MEI1: variants seen among roughly 807,000 people sequenced by gnomAD.
MEI1 encodes meiotic double-stranded break formation protein 1, also known as meiosis inhibitor protein 1.
MEI1 carries 103 observed loss-of-function variants against 146.2 expected under a neutral mutation model. The ratio of observed to expected loss-of-function variants is 0.70; its 90% CI spans 0.60 to 0.83. MEI1 has a LOEUF of 0.83. Among genes scored for constraint, MEI1 ranks in the 40% least tolerant of loss-of-function variants. The probability of loss-of-function intolerance (pLI) is 0.00; values close to 1 mark genes in which losing one functional copy is unlikely to be tolerated. For missense variants in MEI1, 1,529 were observed against 1,533.0 expected, an observed-to-expected ratio of 1.00 and a Z score of 0.04; for synonymous variants, 652 against 628.2, an observed-to-expected ratio of 1.04 and a Z score of -0.57.
intron 7 of MEI1, 107 bp from the exon 8 acceptor site, chr22:41,729,558 A>C (rs1214645382): frequency 7.0e-6 from 5 of 715,846 alleles, no homozygotes; most frequent in Non-Finnish European, 9.9e-6. Context: ...CATGTGGGAC[A>C]GGAAGGATCG....
In MEI1 at chr22:41,798,116, A is replaced by AACACAC. The variant is rs60766866; in HGVS notation, c.3780-1088_3780-1083dup. On this transcript the variant is annotated intron_variant, in intron 30 of 30. Coordinates refer to ENST00000401548, the MANE Select transcript of MEI1 (RefSeq NM_152513.4). ...AGTTGGTTCAAGTGATCCTCAGCCC[A>AACACAC]ACACACACACACACACACACACACA... is the stretch of plus-strand genomic sequence containing the variant. Among the ~76,000 whole-genome samples the AACACAC allele has an allele frequency of 9.3e-3, 1,264 of 135,850 alleles. 14 individuals are homozygous for AACACAC. Among genetic ancestry groups the AACACAC allele is most frequent in the East Asian group, 0.024 (99 of 4,182 alleles). 89.1% of individuals were successfully genotyped at this position (135,850 alleles called of 152,430 possible).
At chr22:41,797,865 C>A (rs1437801118) in intron 30 of MEI1, among the ~76,000 whole-genome samples, 1 of 152,136 alleles carries the variant, frequency 6.6e-6, no homozygotes, top group Non-Finnish European at 1.5e-5. Flanking sequence ...GCACCAAAAA[C>A]AGCTCCTGGC....
chr22:41,745,317 C>G (rs1180893088), intron 13 of MEI1, among the ~76,000 whole-genome samples: 1 of 152,108 alleles, frequency 6.6e-6, no homozygotes, highest in African/African-American at 2.4e-5. Flanking sequence ...GTCTTATTCA[C>G]CTTCGTTCCC....
At chr22:41,776,329 T>G in intron 21 of MEI1, 62 bp downstream of exon 21, 3,844 of 1,395,982 alleles carry the variant, frequency 2.8e-3, no homozygotes, top group Non-Finnish European at 3.5e-3. Flanking sequence ...TGGGCATCTC[T>G]ACCCTTGTTA....
intron 19 of MEI1, among the ~76,000 whole-genome samples, chr22:41,768,669 T>C (rs1360552102): frequency 6.6e-6 from 1 of 152,090 alleles, no homozygotes. Context: ...CTTATATGGC[T>C]GGAGAAGGAG....
chr22:41,746,756 C>T (rs1380661486), intron 14 of MEI1, among the ~76,000 whole-genome samples: 1 of 152,096 alleles, frequency 6.6e-6, no homozygotes, highest in African/African-American at 2.4e-5. Flanking sequence ...CAGTAGGTGG[C>T]AGCAGGGAGG....
chr22:41,758,670 C>A, intron 18 of MEI1, 137 bp downstream of exon 18: 1 of 847,950 alleles, frequency 1.2e-6, no homozygotes, highest in Non-Finnish European at 1.8e-6. Flanking sequence ...TGGGTTGTGT[C>A]CCTGAGAGGC....
At chr22:41,730,481 T>A in intron 8 of MEI1, 40 bp from the exon 9 acceptor site, 1 of 1,377,522 alleles carries the variant, frequency 7.3e-7, no homozygotes, top group Non-Finnish European at 1.0e-6. Flanking sequence ...CGTGATCACA[T>A]GGCTGTCATT....
In MEI1 at chr22:41,751,073, C is replaced by T. The variant is rs147462772; in HGVS notation, c.1793-1518C>T. Among the ~76,000 whole-genome samples, 65 of 152,098 alleles carry T rather than the reference C, an allele frequency of 4.3e-4. 1 individual carries two copies. In the East Asian group the frequency reaches 0.013, roughly 29 times the overall value. On this transcript the variant is annotated intron_variant, in intron 15 of 30. Coordinates refer to ENST00000401548, the MANE Select transcript of MEI1 (RefSeq NM_152513.4). ...GGTAGCACAGGATCAGAGGCTCAAC[C>T]TGCAAGAGGGAGGAGGGAAGCAGGC...
At chr22:41,751,144 G>A (rs1459971815) in intron 15 of MEI1, among the ~76,000 whole-genome samples, 1 of 152,146 alleles carries the variant, frequency 6.6e-6, no homozygotes, top group Non-Finnish European at 1.5e-5. Flanking sequence ...GGAGGGTGGA[G>A]AAACTCTGGA....
At position 41,709,860 on chromosome 22, in the gene MEI1, A is replaced by G. The variant is rs77728523; in HGVS notation, c.350-4142A>G. Among the ~76,000 whole-genome samples, 482 of 152,206 alleles carry G rather than the reference A, an allele frequency of 3.2e-3. 12 individuals carry two copies. In the South Asian group the frequency reaches 0.055, roughly 17 times the overall value. Reference sequence around the variant, plus strand: ...GATGATAGTCACAACTTCTAATTCAATGAAACCATTGTGTGACCTCTCATG... The same window carrying G: ...GATGATAGTCACAACTTCTAATTCAGTGAAACCATTGTGTGACCTCTCATG... On this transcript the variant is annotated intron_variant, in intron 3 of 30. Coordinates refer to ENST00000401548, the MANE Select transcript of MEI1 (RefSeq NM_152513.4).
chr22:41,781,449 G>C (rs4822050), intron 23 of MEI1, 55 bp downstream of exon 23: 349,681 of 1,409,290 alleles, frequency 0.25, 54,863 homozygotes, highest in African/African-American at 0.66. Context: ...GTGGTCCTCT[G>C]TATCTCAACT....
At chr22:41,785,761 C>T (rs1225115762) in intron 26 of MEI1, among the ~76,000 whole-genome samples, 3 of 149,582 alleles carry the variant, frequency 2.0e-5, no homozygotes, top group South Asian at 2.1e-4. Flanking sequence ...ACGGGGTTTC[C>T]GCATATTGGT....
At chr22:41,764,342 T>G (rs1042999723) in intron 19 of MEI1, among the ~76,000 whole-genome samples, 1 of 152,184 alleles carries the variant, frequency 6.6e-6, no homozygotes, top group Non-Finnish European at 1.5e-5. Flanking sequence ...AATCCCTAAT[T>G]AATTAGTGGA....
intron 9 of MEI1, among the ~76,000 whole-genome samples, chr22:41,731,211 G>A (rs113164407): frequency 4.0e-5 from 6 of 150,196 alleles, no homozygotes; most frequent in African/African-American, 1.2e-4. Flanking sequence ...GTGCCACCAC[G>A]CCCAGCTAAT....
chr22:41,746,870 A>C (rs2073333775), intron 14 of MEI1, among the ~76,000 whole-genome samples: 1 of 152,124 alleles, frequency 6.6e-6, no homozygotes, highest in Non-Finnish European at 1.5e-5. Flanking sequence ...GCCCTGACTT[A>C]ACCCACTAAC....
At chr22:41,787,376 T>C (rs1052675354) in intron 26 of MEI1, among the ~76,000 whole-genome samples, 1 of 152,190 alleles carries the variant, frequency 6.6e-6, no homozygotes, top group Admixed American at 6.6e-5. Flanking sequence ...ATTCTACTAA[T>C]AACATTTTAT....
chr22:41,776,412 C>T (rs943883805), intron 21 of MEI1, 145 bp downstream of exon 21: 19 of 849,532 alleles, frequency 2.2e-5, no homozygotes, highest in Non-Finnish European at 3.4e-5. Flanking sequence ...TCAAGCTAAA[C>T]TTCACCTCCT....
chr22:41,752,400 A>G (rs565807630), intron 15 of MEI1, 191 bp from the exon 16 acceptor site: 19 of 593,988 alleles, frequency 3.2e-5, no homozygotes, highest in South Asian at 1.9e-4. Context: ...GTGAGGTACA[A>G]ATATCAAAAC....
Sources: gnomAD v4.1 joint callset for allele counts (sites outside exome capture counted in the v4.1 genomes callset) on GRCh38, gnomAD v4.1.1 for gene constraint, MANE v1.5 for transcripts, NCBI Gene and HGNC (gene_info 2026-07-23, HGNC 2026-07-21) for gene names.